The following DOCK4 variants were observed in gnomAD, a reference collection of about 807,000 sequenced individuals.
The protein encoded by DOCK4 is dedicator of cytokinesis protein 4.
DOCK4 carries 97 observed loss-of-function variants against 268.1 expected under a neutral mutation model. The ratio of observed to expected loss-of-function variants is 0.36; its 90% confidence interval spans 0.31 to 0.43. The LOEUF (loss-of-function observed/expected upper bound fraction) is 0.43. DOCK4 is among the 20% of genes least tolerant of loss of function. The probability of loss-of-function intolerance (pLI) is 1.00; values close to 1 mark genes in which losing one functional copy is unlikely to be tolerated. For missense variants in DOCK4, 2,145 were observed against 2,455.7 expected (o/e 0.87, Z 2.67); for synonymous variants, 954 against 887.2 (o/e 1.08, Z -1.34).
chr7:111,973,475 T>G (rs951478697), intron 8 of DOCK4, among the ~76,000 whole-genome samples: 3 of 152,066 alleles, frequency 2.0e-5, no homozygotes, highest in African/African-American at 7.2e-5. Flanking sequence ...GTTGCAGGAA[T>G]TTAAGAGGAA....
chr7:112,105,883 A>C (rs980477605), intron 1 of DOCK4, among the ~76,000 whole-genome samples: 2 of 151,814 alleles, frequency 1.3e-5, no homozygotes, highest in African/African-American at 4.8e-5. Context: ...TAGAGACAGG[A>C]TCTCACTATG....
At chr7:111,784,962 C>A (rs912598956) in intron 32 of DOCK4, among the ~76,000 whole-genome samples, 1 of 152,120 alleles carries the variant, frequency 6.6e-6, no homozygotes, top group East Asian at 1.9e-4. Flanking sequence ...GTACTTAGTT[C>A]AAAAATAAAC....
chr7:111,760,351 G>T, intron 39 of DOCK4, 29 bp from the exon 40 acceptor site: 1 of 1,606,078 alleles, frequency 6.2e-7, no homozygotes, highest in Non-Finnish European at 8.5e-7. Flanking sequence ...AAGAAATTAG[G>T]GCTATATAAC....
intron 27 of DOCK4, chr7:111,820,698 A>C (rs139615621): frequency 6.6e-6 from 1 of 152,344 alleles, no homozygotes; most frequent in East Asian, 1.9e-4. Context: ...TGTAAGGAAT[A>C]AAATGTCAAT....
chr7:111,917,340 T>C lies in DOCK4; in HGVS notation c.1067-1436A>G, dbSNP rs538780018. Reference sequence around the variant, plus strand: ...TATCTCCCATCTATATTTACTATATTAGTGATAGAAAATGAAACCAGTCAA... The same window carrying C: ...TATCTCCCATCTATATTTACTATATCAGTGATAGAAAATGAAACCAGTCAA... On this transcript the variant is annotated intron_variant, in intron 12 of 52. Transcript: ENST00000428084. Among the ~76,000 whole-genome samples the C allele has an allele frequency of 4.6e-5, 7 of 152,216 alleles. No individual in the cohort carries two copies. The East Asian group carries it at 9.7e-4, about 21-fold the overall frequency.
chr7:111,732,752 T>TC (rs965411344), intron 51 of DOCK4, among the ~76,000 whole-genome samples: 3 of 151,536 alleles, frequency 2.0e-5, no homozygotes, highest in African/African-American at 4.9e-5. Flanking sequence ...TTTAATCAGC[T>TC]CCCCCCAAAC....
intron 1 of DOCK4, among the ~76,000 whole-genome samples, chr7:112,037,549 C>G (rs534707815): frequency 1.2e-4 from 19 of 152,170 alleles, no homozygotes; most frequent in Admixed American, 2.0e-4. Flanking sequence ...CGGACTCATA[C>G]AAGAGATACT....
At chr7:111,828,886 G>GTGTATATATATATATATATA (rs1802597479) in intron 26 of DOCK4, among the ~76,000 whole-genome samples, 1 of 128,424 alleles carries the variant, frequency 7.8e-6, no homozygotes, top group Non-Finnish European at 1.5e-5. Flanking sequence ...GTGTGTGTGT[G>GTGTATATATATATATATATA]TGTATATATA....
At chr7:111,774,521 G>A (rs775208902) in intron 36 of DOCK4, among the ~76,000 whole-genome samples, 2 of 151,950 alleles carry the variant, frequency 1.3e-5, no homozygotes, top group South Asian at 2.1e-4. Context: ...AAAAAGAGAC[G>A]GGGAAATCAC....
intron 1 of DOCK4, among the ~76,000 whole-genome samples, chr7:112,190,063 T>A (rs1819811923): frequency 6.6e-6 from 1 of 152,148 alleles, no homozygotes; most frequent in Admixed American, 6.5e-5. Context: ...GATACCCTCA[T>A]CCACTCAACA....
At chr7:111,789,789 G>A (rs1799408124) in intron 31 of DOCK4, among the ~76,000 whole-genome samples, 1 of 152,094 alleles carries the variant, frequency 6.6e-6, no homozygotes, top group African/African-American at 2.4e-5. Flanking sequence ...AAACCCTGTG[G>A]GCACACAGGT....
In DOCK4 at chr7:112,028,220, T is replaced by G. The variant is rs530391392; in HGVS notation, c.38-24089A>C. 1.1e-4 allele frequency among the ~76,000 whole-genome samples: 16 copies of G among 152,312 alleles called. No homozygotes were observed. In the South Asian group the frequency reaches 3.3e-3, roughly 32 times the overall value. On this transcript the variant is annotated intron_variant, in intron 1 of 52. Transcript: ENST00000428084. ...AATCGACTTTTTAAAAAGATTAACC[T>G]GAAGAAGGCTCCAACAAAGGAATAT...
chr7:111,901,803 T>C lies in DOCK4; in HGVS notation c.1193-2A>G. 1 of 1,555,258 alleles carries C rather than the reference T, an allele frequency of 6.4e-7. No individual in the cohort carries two copies. On this transcript the variant is annotated splice_acceptor_variant, in intron 13 of 52. Coordinates refer to ENST00000428084, the MANE Select transcript of DOCK4 (RefSeq NM_001363540.2). LOFTEE classifies it high-confidence loss of function. ...TATATAAATCATTCCTCATTTCACC[T>C]ATAAGGAAAGGAAAATTAAAACCAT...
intron 1 of DOCK4, among the ~76,000 whole-genome samples, chr7:112,043,203 C>T (rs1471924405): frequency 6.6e-6 from 1 of 151,894 alleles, no homozygotes; most frequent in African/African-American, 2.4e-5. Flanking sequence ...GACTTTCACA[C>T]TTCTTCACTG....
At chr7:112,170,392 G>C (rs562073639) in intron 1 of DOCK4, among the ~76,000 whole-genome samples, 1 of 151,910 alleles carries the variant, frequency 6.6e-6, no homozygotes, top group African/African-American at 2.4e-5. Flanking sequence ...GATCAGGAGG[G>C]TGAGGCTGCA....
chr7:111,990,554 T>C (rs1235554431), intron 5 of DOCK4, among the ~76,000 whole-genome samples: 2 of 152,188 alleles, frequency 1.3e-5, no homozygotes, highest in Non-Finnish European at 2.9e-5. Flanking sequence ...GTACTTGGTG[T>C]CTTGAATTTT....
chr7:112,040,881 T>C (rs1230811740), intron 1 of DOCK4, among the ~76,000 whole-genome samples: 1 of 152,208 alleles, frequency 6.6e-6, no homozygotes, highest in African/African-American at 2.4e-5. Context: ...TGAACATGCA[T>C]TTAAAATGTC....
At chr7:112,089,871 TA>T (rs1809469383) in intron 1 of DOCK4, among the ~76,000 whole-genome samples, 1 of 152,182 alleles carries the variant, frequency 6.6e-6, no homozygotes, top group South Asian at 2.1e-4. Context: ...CTTCTTTTTT[TA>T]AATAAATTAC....
chr7:111,931,658 C>G (rs1794213411), intron 12 of DOCK4, among the ~76,000 whole-genome samples: 1 of 152,170 alleles, frequency 6.6e-6, no homozygotes, highest in African/African-American at 2.4e-5. Flanking sequence ...TATCAATAAT[C>G]CAATTGTGTT....
Sources: gnomAD v4.1 joint callset for allele counts (sites outside exome capture counted in the v4.1 genomes callset) on GRCh38, gnomAD v4.1.1 for gene constraint, MANE v1.5 for transcripts, NCBI Gene and HGNC (gene_info 2026-07-23, HGNC 2026-07-21) for gene names.